DCDC1: variants seen among roughly 807,000 people sequenced by gnomAD.
DCDC1 encodes doublecortin domain containing 1, also known as doublecortin domain-containing protein 1.
Under a neutral mutation model 178.3 loss-of-function variants are expected in DCDC1, and 200 were observed. The observed-to-expected ratio is 1.12, with a 90% confidence interval of 1.00 to 1.26. DCDC1 has a LOEUF of 1.26. DCDC1 is among the 50% of genes most tolerant of loss of function. DCDC1 has a pLI of 0.00. For missense variants in DCDC1, 1,983 were observed against 1,749.2 expected (o/e 1.13, Z -2.38); for synonymous variants, 690 against 604.8 (o/e 1.14, Z -2.07).
Position 31,103,128 on chromosome 11 carries a change from A to G in DCDC1, c.1877+516T>C, listed in dbSNP as rs1004908885. 1.1e-3 allele frequency among the ~76,000 whole-genome samples: 162 copies of G among 152,302 alleles called. 3 individuals are homozygous for G. Among genetic ancestry groups the G allele is most frequent in the Non-Finnish European group, 3.2e-4 (22 of 68,032 alleles). ...GTAAAAGCCAGTTTGTATTATTTGC[A>G]GATAAGAAACCAACACCAATCTGCT... On this transcript the variant is annotated intron_variant, in intron 14 of 38. Transcript: ENST00000684477.
At chr11:30,903,928 C>A in intron 31 of DCDC1, 1 of 312,978 alleles carries the variant, frequency 3.2e-6, no homozygotes, top group East Asian at 5.0e-5. Context: ...TTTAACATGG[C>A]AGCTGACATA....
At chr11:31,272,929 A>G (rs1219239086) in intron 7 of DCDC1, among the ~76,000 whole-genome samples, 1 of 152,156 alleles carries the variant, frequency 6.6e-6, no homozygotes, top group African/African-American at 2.4e-5. Flanking sequence ...GGGACTCACA[A>G]GCTGCCAAGG....
intron 9 of DCDC1, among the ~76,000 whole-genome samples, chr11:31,179,748 T>A (rs1461340900): frequency 1.3e-5 from 2 of 152,076 alleles, no homozygotes; most frequent in African/African-American, 4.8e-5. Context: ...TTCCAGAAAA[T>A]TGAAGAGGAA....
chr11:31,221,758 C>G (rs773604290), intron 9 of DCDC1, among the ~76,000 whole-genome samples: 12 of 152,192 alleles, frequency 7.9e-5, no homozygotes, highest in Non-Finnish European at 1.3e-4. Flanking sequence ...CTTTAGTGTT[C>G]TCTTTAGAAC....
At chr11:31,090,808 C>T (rs540732470) in intron 17 of DCDC1, among the ~76,000 whole-genome samples, 20 of 151,856 alleles carry the variant, frequency 1.3e-4, no homozygotes, top group Middle Eastern at 3.4e-3. Context: ...TTTTTCAACA[C>T]TAAGTGAAAA....
chr11:31,000,716 T>C (rs1186156757), intron 20 of DCDC1, among the ~76,000 whole-genome samples: 2 of 152,040 alleles, frequency 1.3e-5, no homozygotes, highest in Non-Finnish European at 2.9e-5. Flanking sequence ...TTGTTTTTTT[T>C]CTAATACTAT....
chr11:31,000,507 G>T (rs946595935), intron 20 of DCDC1, among the ~76,000 whole-genome samples: 1 of 152,076 alleles, frequency 6.6e-6, no homozygotes, highest in Non-Finnish European at 1.5e-5. Flanking sequence ...TATAAAATGT[G>T]TCAGGGAGCT....
chr11:30,875,335 G>A (rs997782343), intron 38 of DCDC1, among the ~76,000 whole-genome samples: 19 of 152,062 alleles, frequency 1.2e-4, no homozygotes, highest in African/African-American at 4.3e-4. Context: ...GAGGGGACAC[G>A]GGGTTGAGAT....
In DCDC1 at chr11:30,906,560, T is replaced by G. The variant is rs753641516; in HGVS notation, c.4084A>C (p.Lys1362Gln). The change falls in exon 30 of 39, where the codon AAG becomes CAG. Residue 1362 changes from lysine (K) to glutamine (Q), a missense_variant. Physicochemically the swap from Lys to Gln is moderately conservative, Grantham distance 53. Transcript: ENST00000684477. The stretch of plus-strand genomic sequence containing the variant: ...CATACCTCAGCCACACTGATGACCT[T>G]GAAGGGCCCTTGTAAGAAGGGCTTC... ...TQKPFLQGPF[K>Q]VISVAEVDLS... is the part of the protein sequence containing the mutation. 6.2e-7 allele frequency: 1 copy of G among 1,613,040 alleles called. No individual in the cohort carries two copies. The highest frequency in any genetic ancestry group is 8.5e-7 in the Non-Finnish European group (1 of 1,179,452).
intron 9 of DCDC1, among the ~76,000 whole-genome samples, chr11:31,223,935 T>C (rs1974590297): frequency 6.6e-6 from 1 of 152,040 alleles, no homozygotes; most frequent in African/African-American, 2.4e-5. Context: ...TCCCACATGT[T>C]GTGGGAAGGA....
chr11:30,974,120 A>C (rs537429981), intron 20 of DCDC1, among the ~76,000 whole-genome samples: 1 of 152,268 alleles, frequency 6.6e-6, no homozygotes, highest in South Asian at 2.1e-4. Context: ...GAAATTAAAC[A>C]TTCTCCTGAA....
chr11:31,160,296 G>A (rs560523823), intron 9 of DCDC1, among the ~76,000 whole-genome samples: 6 of 151,754 alleles, frequency 4.0e-5, no homozygotes, highest in African/African-American at 9.7e-5. Flanking sequence ...TCACACATTC[G>A]GAATTCACAC....
At position 31,207,515 on chromosome 11, in the gene DCDC1, G is replaced by GCA. The variant is rs562249687; in HGVS notation, c.1221+33933_1221+33934dup. ...CATCTTCTCTCCGCCCATTTTACCA[G>GCA]CACACCTGCATGTGTGCTCACAAAC... On this transcript the variant is annotated intron_variant, in intron 9 of 38. Coordinates refer to ENST00000684477, the MANE Select transcript of DCDC1 (RefSeq NM_001387274.1). 6.0e-3 allele frequency among the ~76,000 whole-genome samples: 908 copies of GCA among 152,214 alleles called. 11 individuals carry two copies. Among genetic ancestry groups the GCA allele is most frequent in the African/African-American group, 0.021 (873 of 41,522 alleles).
intron 15 of DCDC1, among the ~76,000 whole-genome samples, chr11:31,095,480 T>A (rs1214935969): frequency 6.6e-6 from 1 of 152,224 alleles, no homozygotes; most frequent in Admixed American, 6.5e-5. Context: ...ATCAAACATA[T>A]CTTGCTAACA....
intron 11 of DCDC1, among the ~76,000 whole-genome samples, chr11:31,111,829 A>G (rs1959181264): frequency 6.6e-6 from 1 of 152,166 alleles, no homozygotes; most frequent in Non-Finnish European, 1.5e-5. Flanking sequence ...CTTTGTCGAG[A>G]CTTGCTAGAC....
In DCDC1 at chr11:30,899,632, T is replaced by G. The variant is rs1199141313; in HGVS notation, c.4674A>C (p.Lys1558Asn). 2 of 1,560,508 alleles carry G rather than the reference T, an allele frequency of 1.3e-6. No individual in the cohort carries two copies. Among genetic ancestry groups the G allele is most frequent in the Non-Finnish European group, 1.7e-6 (2 of 1,152,522 alleles). Residue 1558 changes from lysine to asparagine, a missense_variant, in exon 34 of 39, where the codon AAA (lysine) becomes AAC (asparagine). Lys to Asn is a moderately conservative substitution (Grantham distance 94). Transcript: ENST00000684477. ...EPFLPPNALQ[K>N]AEKLEKQNWL... is the part of the protein sequence containing the mutation. ...AGTTCTGTTTCTCTAATTTTTCTGCTTTCTGCAAAGCTAGAATAATAAAAA... is the reference window on the plus strand; with the variant it reads ...AGTTCTGTTTCTCTAATTTTTCTGCGTTCTGCAAAGCTAGAATAATAAAAA...
intron 9 of DCDC1, among the ~76,000 whole-genome samples, chr11:31,165,226 C>G (rs1038168242): frequency 1.3e-5 from 2 of 152,094 alleles, no homozygotes; most frequent in Admixed American, 1.3e-4. Context: ...TAATTTTTGT[C>G]AATCTAATAG....
rs777263429 is a variant in DCDC1, at chr11:31,306,186, T to C, written c.591+46A>G. On this transcript the variant is annotated intron_variant, in intron 5 of 38. Coordinates refer to ENST00000684477, the MANE Select transcript of DCDC1 (RefSeq NM_001387274.1). ...CTCATTTTTTATATTATAAAGAGAG[T>C]AAGGGAAAAAAAATAAAGCACAGAA... is the stretch of plus-strand genomic sequence containing the variant. 5.7e-6 allele frequency: 8 copies of C among 1,414,862 alleles called. No homozygotes were observed. In the African/African-American group the frequency reaches 7.4e-5, roughly 13 times the overall value. 87.6% of individuals were successfully genotyped at this position (1,414,862 alleles called of 1,614,324 possible). A position where few individuals can be genotyped will look rare whatever the true frequency, so the allele number is the denominator to read the frequency against.
At chr11:31,340,046 C>T (rs1950464443) in intron 1 of DCDC1, among the ~76,000 whole-genome samples, 2 of 152,214 alleles carry the variant, frequency 1.3e-5, no homozygotes, top group South Asian at 4.2e-4. Context: ...TAATGTTTTA[C>T]TCTTCAAGGA....
Sources: allele counts gnomAD v4.1 joint callset (sites outside exome capture counted in the v4.1 genomes callset), GRCh38; gene constraint gnomAD v4.1.1; transcripts MANE v1.5; gene names NCBI Gene and HGNC (gene_info 2026-07-23, HGNC 2026-07-21).